The following PRSS12 variants were observed in gnomAD, a reference collection of about 807,000 sequenced individuals.
The protein encoded by PRSS12 is serine protease 12, also known as neurotrypsin.
A neutral mutation model predicts 104.4 loss-of-function variants in PRSS12; 85 were observed. The ratio of observed to expected loss-of-function variants is 0.81; its 90% CI spans 0.68 to 0.98. The LOEUF is 0.98. PRSS12 is among the 50% of genes least tolerant of loss of function. The probability of loss-of-function intolerance (pLI) is 0.00; values close to 1 mark genes in which losing one functional copy is unlikely to be tolerated. For missense variants in PRSS12, 1,141 were observed against 1,139.2 expected (o/e 1.00, Z -0.02); for synonymous variants, 454 against 425.2 (o/e 1.07, Z -0.83).
At chr4:118,308,705 A>C in intron 7 of PRSS12, 128 bp from the exon 8 acceptor site, 1 of 1,276,334 alleles carries the variant, frequency 7.8e-7, no homozygotes, top group South Asian at 1.2e-5. Flanking sequence ...TACTTTTTTG[A>C]GAGAGAGGAG....
chr4:118,289,480 A>G (rs1420728348), intron 11 of PRSS12, among the ~76,000 whole-genome samples: 2 of 152,194 alleles, frequency 1.3e-5, no homozygotes, highest in African/African-American at 4.8e-5. Flanking sequence ...TAGGCCTTAT[A>G]TTAAACTAAG....
chr4:118,335,071 C>A (rs1371124698), intron 3 of PRSS12, among the ~76,000 whole-genome samples: 1 of 152,144 alleles, frequency 6.6e-6, no homozygotes, highest in African/African-American at 2.4e-5. Flanking sequence ...TATTGCATTA[C>A]ACAAAGTGAA....
intron 8 of PRSS12, among the ~76,000 whole-genome samples, chr4:118,301,125 TTCTG>T (rs1366634461): frequency 6.6e-6 from 1 of 152,174 alleles, no homozygotes; most frequent in African/African-American, 2.4e-5. Context: ...TGAAATTTAT[TTCTG>T]TCTTACTATT....
At chr4:118,325,350 G>T (rs979456271) in intron 4 of PRSS12, among the ~76,000 whole-genome samples, 2 of 150,712 alleles carry the variant, frequency 1.3e-5, no homozygotes, top group Admixed American at 1.3e-4. Context: ...CACTACCTGG[G>T]TGTTTTATTT....
chr4:118,295,043 C>T lies in PRSS12; in HGVS notation c.1935G>A (p.Gln645=). 1.2e-6 allele frequency: 2 copies of T among 1,614,084 alleles called. No homozygotes were observed. The highest frequency in any genetic ancestry group is 1.7e-6 in the Non-Finnish European group (2 of 1,180,026). The change falls in exon 11 of 13, where the codon CAG becomes CAA. Residue 645 remains glutamine, a synonymous_variant. Transcript: ENST00000296498. ...GGGATGACTTCAGCCGGAGGGAAAC[C>T]TGCCAAGGCCAACCACCCCTAAGAA... ...KNSLRGGWPW[Q]VSLRLKSSHG...
chr4:118,334,662 G>C (rs1724017201), intron 3 of PRSS12, among the ~76,000 whole-genome samples: 1 of 152,102 alleles, frequency 6.6e-6, no homozygotes, highest in Non-Finnish European at 1.5e-5. Context: ...GGGTCTCTCT[G>C]TTTTGTGGTA....
At chr4:118,333,558 T>C (rs1371692814) in intron 3 of PRSS12, among the ~76,000 whole-genome samples, 1 of 152,172 alleles carries the variant, frequency 6.6e-6, no homozygotes, top group Non-Finnish European at 1.5e-5. Context: ...GTAATATAAT[T>C]CTCACAAATT....
intron 3 of PRSS12, among the ~76,000 whole-genome samples, chr4:118,335,223 A>G (rs1044251165): frequency 3.3e-5 from 5 of 152,058 alleles, no homozygotes; most frequent in African/African-American, 1.2e-4. Flanking sequence ...TAGAATATAC[A>G]TATTTATTTA....
intron 4 of PRSS12, among the ~76,000 whole-genome samples, chr4:118,319,930 C>A (rs1007089716): frequency 3.9e-5 from 6 of 152,264 alleles, no homozygotes; most frequent in Non-Finnish European, 8.8e-5. Flanking sequence ...CCCACCTCAA[C>A]CTCCCAAAAG....
At chr4:118,291,409 A>T (rs767746528) in intron 11 of PRSS12, among the ~76,000 whole-genome samples, 1 of 152,156 alleles carries the variant, frequency 6.6e-6, no homozygotes, top group Non-Finnish European at 1.5e-5. Context: ...AACAGAACTC[A>T]CTTTTCCTCC....
intron 11 of PRSS12, among the ~76,000 whole-genome samples, chr4:118,293,411 C>T (rs1481009881): frequency 6.6e-6 from 1 of 151,932 alleles, no homozygotes; most frequent in Non-Finnish European, 1.5e-5. Flanking sequence ...AAATACAAAG[C>T]TTTTGTAAAA....
chr4:118,327,135 G>A lies in PRSS12; in HGVS notation c.971+4581C>T, dbSNP rs139893442. ...AATGTTTTTTAAAATTTAATGAACC[G>A]TAAAATAAAAGAGCAAAGAAAAAAA... On this transcript the variant is annotated intron_variant, in intron 4 of 12. Transcript: ENST00000296498. Among the ~76,000 whole-genome samples the A allele has an allele frequency of 2.0e-3, 303 of 152,186 alleles. 1 individual carries two copies. The highest frequency in any genetic ancestry group is 3.4e-3 in the Middle Eastern group (1 of 294).
chr4:118,289,684 C>A (rs1428962586), intron 11 of PRSS12, among the ~76,000 whole-genome samples: 1 of 152,132 alleles, frequency 6.6e-6, no homozygotes, highest in African/African-American at 2.4e-5. Flanking sequence ...AGCTGTATGC[C>A]TTTTAATAAA....
intron 10 of PRSS12, among the ~76,000 whole-genome samples, chr4:118,295,482 T>G (rs373553984): frequency 6.6e-6 from 1 of 152,230 alleles, no homozygotes; most frequent in Admixed American, 6.5e-5. Context: ...ACATTCTAAA[T>G]TAGATGAATC....
chr4:118,339,924 C>A (rs990902504), intron 1 of PRSS12, among the ~76,000 whole-genome samples: 3 of 152,140 alleles, frequency 2.0e-5, no homozygotes, highest in Non-Finnish European at 2.9e-5. Flanking sequence ...TCTATTATTT[C>A]TTTACTAATT....
At chr4:118,335,375 C>A (rs1423897034) in intron 3 of PRSS12, 98 bp downstream of exon 3, 3 of 1,404,180 alleles carry the variant, frequency 2.1e-6, no homozygotes, top group Admixed American at 4.2e-5. Flanking sequence ...TAATTAAAGT[C>A]TTTAAGGAAA....
intron 3 of PRSS12, among the ~76,000 whole-genome samples, chr4:118,334,592 C>G (rs1039914488): frequency 2.6e-5 from 4 of 152,114 alleles, no homozygotes; most frequent in African/African-American, 9.7e-5. Flanking sequence ...TCAGAGTATA[C>G]ACCTGGACTA....
intron 11 of PRSS12, among the ~76,000 whole-genome samples, chr4:118,285,725 A>G (rs762469931): frequency 6.6e-6 from 1 of 152,194 alleles, no homozygotes; most frequent in Non-Finnish European, 1.5e-5. Flanking sequence ...CAACTTTTCT[A>G]TTAGTTACAT....
intron 4 of PRSS12, among the ~76,000 whole-genome samples, chr4:118,323,312 T>C (rs1337512085): frequency 2.6e-5 from 4 of 151,868 alleles, no homozygotes; most frequent in South Asian, 4.1e-4. Context: ...CCAAAAAAAA[T>C]CTATTAAGGA....
Sources: allele counts gnomAD v4.1 joint callset (sites outside exome capture counted in the v4.1 genomes callset), GRCh38; gene constraint gnomAD v4.1.1; transcripts MANE v1.5; gene names NCBI Gene and HGNC (gene_info 2026-07-23, HGNC 2026-07-21).